Variants in ROBO1 observed in about 807,000 individuals in gnomAD.
The protein encoded by ROBO1 is roundabout homolog 1.
Under a neutral mutation model 195.9 loss-of-function variants are expected in ROBO1, and 149 were observed. That is an observed-to-expected ratio of 0.76 (90% CI 0.67 to 0.87). ROBO1 has a LOEUF of 0.87. Ranked by LOEUF, ROBO1 falls within the 40% of genes least tolerant of loss-of-function variation. The pLI, the probability that ROBO1 is intolerant of heterozygous loss-of-function variation, is 0.00. For synonymous variants in ROBO1, 816 were observed against 733.2 expected, an observed-to-expected ratio of 1.11 and a Z score of -1.82; for missense variants, 1,933 against 2,068.3, an observed-to-expected ratio of 0.93 and a Z score of 1.27.
At chr3:79,221,179 T>C (rs914891169) in intron 2 of ROBO1, among the ~76,000 whole-genome samples, 3 of 151,830 alleles carry the variant, frequency 2.0e-5, no homozygotes, top group African/African-American at 4.8e-5. Context: ...GCAGAGCAAA[T>C]AGTAATGTCC....
chr3:79,005,159 G>T (rs1387577678), intron 3 of ROBO1, among the ~76,000 whole-genome samples: 1 of 152,138 alleles, frequency 6.6e-6, no homozygotes, highest in Non-Finnish European at 1.5e-5. Flanking sequence ...TGTTGGTGAC[G>T]GTTTCCAGCT....
Position 79,673,244 on chromosome 3 carries a change from T to C in ROBO1, c.-50-83283A>G, listed in dbSNP as rs541992139. Among the ~76,000 whole-genome samples, 3 of 152,138 alleles carry C rather than the reference T, an allele frequency of 2.0e-5. No homozygotes were observed. In the South Asian group the frequency reaches 6.2e-4, roughly 31 times the overall value. On this transcript the variant is annotated intron_variant, in intron 1 of 30. Transcript: ENST00000464233. ...GATTTAACAATTAGTGATAATGTTG[T>C]TTTAATCATGCAGTAACAATTTTTA...
Position 79,011,929 on chromosome 3 carries a change from G to C in ROBO1, c.173-73002C>G, listed in dbSNP as rs1468932741. Reference sequence around the variant, plus strand: ...ACTGGGCATACGAACTGTGTTTCAAGCAGAACACTGCAAATAATCTTAGAG... The same window carrying C: ...ACTGGGCATACGAACTGTGTTTCAACCAGAACACTGCAAATAATCTTAGAG... On this transcript the variant is annotated intron_variant, in intron 3 of 30. Coordinates refer to ENST00000464233, the MANE Select transcript of ROBO1 (RefSeq NM_002941.4). Among the ~76,000 whole-genome samples, 4 of 151,998 alleles carry C rather than the reference G, an allele frequency of 2.6e-5. No homozygotes were observed. In the East Asian group the frequency reaches 5.8e-4, roughly 22 times the overall value.
chr3:78,959,767 A>AAGCAATAT (rs1280318694), intron 3 of ROBO1, among the ~76,000 whole-genome samples: 21 of 152,344 alleles, frequency 1.4e-4, no homozygotes, highest in African/African-American at 5.0e-4. Flanking sequence ...ATACCATGAA[A>AAGCAATAT]AGCAATATAG....
chr3:79,127,054 T>C (rs1438865513), intron 2 of ROBO1, among the ~76,000 whole-genome samples: 1 of 151,166 alleles, frequency 6.6e-6, no homozygotes, highest in African/African-American at 2.4e-5. Context: ...AGAGAAAAGA[T>C]ACTCATTCTT....
intron 3 of ROBO1, among the ~76,000 whole-genome samples, chr3:78,980,652 G>A (rs139472821): frequency 6.6e-6 from 1 of 152,218 alleles, no homozygotes; most frequent in East Asian, 1.9e-4. Flanking sequence ...TAGGAAACTG[G>A]TTGAAAGATC....
At chr3:79,466,157 T>C (rs941106284) in intron 2 of ROBO1, among the ~76,000 whole-genome samples, 1 of 152,140 alleles carries the variant, frequency 6.6e-6, no homozygotes, top group African/African-American at 2.4e-5. Flanking sequence ...TATGAATGTA[T>C]ATTTGACAAA....
chr3:78,688,896 A>G, intron 8 of ROBO1, 124 bp from the exon 9 acceptor site: 4 of 885,620 alleles, frequency 4.5e-6, no homozygotes, highest in Non-Finnish European at 6.3e-6. Flanking sequence ...AACAGTCATG[A>G]TATACCAATT....
chr3:79,242,181 G>A (rs994849111), intron 2 of ROBO1, among the ~76,000 whole-genome samples: 1 of 151,506 alleles, frequency 6.6e-6, no homozygotes, highest in African/African-American at 2.4e-5. Context: ...CTGTGTTGAA[G>A]ATGGCAGAGA....
chr3:79,491,388 G>T (rs140297120), intron 2 of ROBO1, among the ~76,000 whole-genome samples: 1 of 152,186 alleles, frequency 6.6e-6, no homozygotes, highest in Non-Finnish European at 1.5e-5. Context: ...CAGTCGGGTT[G>T]TAAGAGTAGT....
In ROBO1 at chr3:79,370,843, C is replaced by T. The variant is rs982479428; in HGVS notation, c.88+218981G>A. Among the ~76,000 whole-genome samples the T allele has an allele frequency of 2.6e-5, 4 of 152,092 alleles. No homozygotes were observed. In the East Asian group the frequency reaches 5.8e-4, roughly 22 times the overall value. On this transcript the variant is annotated intron_variant, in intron 2 of 30. Coordinates refer to ENST00000464233, the MANE Select transcript of ROBO1 (RefSeq NM_002941.4). The stretch of plus-strand genomic sequence containing the variant: ...TAATGCTCTCTCTCCCCTTGCCCCC[C>T]ACCCCCTGACTGGTCCCAGTGTGTG...
At chr3:78,736,155 G>T (rs894569790) in intron 5 of ROBO1, among the ~76,000 whole-genome samples, 5 of 152,086 alleles carry the variant, frequency 3.3e-5, no homozygotes, top group Non-Finnish European at 5.9e-5. Flanking sequence ...TAAGAAATAC[G>T]TAATTGTATG....
chr3:79,558,285 A>G (rs1243434961), intron 2 of ROBO1, among the ~76,000 whole-genome samples: 1 of 152,068 alleles, frequency 6.6e-6, no homozygotes, highest in Non-Finnish European at 1.5e-5. Flanking sequence ...GCTTCAGTCT[A>G]CTCAACGTAA....
intron 2 of ROBO1, among the ~76,000 whole-genome samples, chr3:79,476,897 C>G (rs1938571627): frequency 6.6e-6 from 1 of 151,668 alleles, no homozygotes; most frequent in Non-Finnish European, 1.5e-5. Context: ...CACCTGTTCC[C>G]CAATAACCTA....
chr3:79,097,725 T>C (rs889433347), intron 3 of ROBO1, among the ~76,000 whole-genome samples: 5 of 151,772 alleles, frequency 3.3e-5, no homozygotes, highest in Non-Finnish European at 5.9e-5. Flanking sequence ...TAAGCAAGAA[T>C]GTACCTTTAA....
chr3:79,115,975 G>C (rs2079986144), intron 3 of ROBO1, among the ~76,000 whole-genome samples: 2 of 152,144 alleles, frequency 1.3e-5, no homozygotes, highest in Admixed American at 6.6e-5. Flanking sequence ...ATATTCAGTA[G>C]ATTCAGTTAT....
chr3:79,550,160 AAAGAAAGG>A (rs796934190), intron 2 of ROBO1, among the ~76,000 whole-genome samples: 3 of 122,262 alleles, frequency 2.5e-5, no homozygotes, highest in Admixed American at 2.3e-4. Context: ...AGGAAGAAAG[AAAGAAAGG>A]AAGAAAGAAA....
intron 2 of ROBO1, among the ~76,000 whole-genome samples, chr3:79,250,675 ACC>A: frequency 6.6e-6 from 1 of 152,172 alleles, no homozygotes; most frequent in Non-Finnish European, 1.5e-5. Context: ...TGATAAAATA[ACC>A]AGAATAATAA....
At chr3:78,761,365 T>C (rs983566185) in intron 4 of ROBO1, among the ~76,000 whole-genome samples, 2 of 152,104 alleles carry the variant, frequency 1.3e-5, no homozygotes, top group African/African-American at 2.4e-5. Flanking sequence ...ACGCTTTTTA[T>C]AAACATTAAA....
Sources: gnomAD v4.1 joint callset for allele counts (sites outside exome capture counted in the v4.1 genomes callset) on GRCh38, gnomAD v4.1.1 for gene constraint, MANE v1.5 for transcripts, NCBI Gene and HGNC (gene_info 2026-07-23, HGNC 2026-07-21) for gene names.